HSD17B13: variants seen among roughly 807,000 people sequenced by gnomAD.
HSD17B13 encodes the protein hydroxysteroid 17-beta dehydrogenase 13.
A neutral mutation model predicts 31.1 loss-of-function variants in HSD17B13; 26 were observed. The ratio of observed to expected loss-of-function variants is 0.84; its 90% CI spans 0.61 to 1.16. The LOEUF (loss-of-function observed/expected upper bound fraction) is 1.16. Ranked by LOEUF, HSD17B13 falls within the 50% of genes most tolerant of loss-of-function variation. HSD17B13 has a pLI of 0.00. For synonymous variants in HSD17B13, 141 were observed against 133.7 expected, an observed-to-expected ratio of 1.05 and a Z score of -0.38; for missense variants, 374 against 366.5, an observed-to-expected ratio of 1.02 and a Z score of -0.17.
At chr4:87,307,207 A>G (rs534556494) in intron 6 of HSD17B13, among the ~76,000 whole-genome samples, 7 of 152,290 alleles carry the variant, frequency 4.6e-5, no homozygotes, top group African/African-American at 1.4e-4. Context: ...GTGTCTCTCT[A>G]TAAAAGGAAT....
chr4:87,314,641 TCACACACACACA>T (rs1553956168), intron 4 of HSD17B13, among the ~76,000 whole-genome samples: 3 of 142,140 alleles, frequency 2.1e-5, no homozygotes, highest in Admixed American at 7.1e-5. Flanking sequence ...TCTCTCTCTC[TCACACACACACA>T]CACACACACA....
intron 5 of HSD17B13, among the ~76,000 whole-genome samples, chr4:87,311,648 G>A (rs1734532303): frequency 6.6e-6 from 1 of 152,272 alleles, no homozygotes. Flanking sequence ...CAGAAAAATG[G>A]ATTTAAAATG....
chr4:87,309,384 C>CAAAA (rs369280214), intron 6 of HSD17B13, among the ~76,000 whole-genome samples: 2 of 50,100 alleles, frequency 4.0e-5, no homozygotes, highest in Non-Finnish European at 7.9e-5. Context: ...AACTCTGTCT[C>CAAAA]AAAAAAAAAA....
intron 6 of HSD17B13, among the ~76,000 whole-genome samples, chr4:87,309,739 T>C (rs1258254908): frequency 6.6e-6 from 1 of 152,158 alleles, no homozygotes; most frequent in Admixed American, 6.5e-5. Flanking sequence ...GACAGTAGAT[T>C]TGGTAGAGAA....
In HSD17B13 at chr4:87,322,795, T is replaced by C. The variant is rs767778758; in HGVS notation, c.47A>G (p.Tyr16Cys). The C allele has an allele frequency of 1.9e-6, 3 of 1,613,730 alleles. No individual in the cohort carries two copies. The highest frequency in any genetic ancestry group is 1.7e-5 in the Admixed American group (1 of 59,980). ...CTTCACCAACGACTCCAAGTAGGAG[T>C]AGATGATGGTGATCAGAAGCAGAAG... is the stretch of plus-strand genomic sequence containing the variant. ...EILLLLITII[Y>C]SYLESLVKFF... Residue 16 changes from tyrosine to cysteine, a missense_variant, in exon 1 of 7, where the codon TAC becomes TGC. Physicochemically the swap from Tyr to Cys is radical, Grantham distance 194 (BLOSUM62 -2). Transcript: ENST00000328546.
At chr4:87,312,193 T>C (rs1392257270) in intron 5 of HSD17B13, among the ~76,000 whole-genome samples, 1 of 152,124 alleles carries the variant, frequency 6.6e-6, no homozygotes, top group East Asian at 1.9e-4. Flanking sequence ...CCCAATTCCT[T>C]GTCTAAGAAA....
rs751556942 is a variant in HSD17B13, at chr4:87,305,321, G to GA, written c.813-14dup. 467 of 1,536,690 alleles carry GA rather than the reference G, an allele frequency of 3.0e-4. No homozygotes were observed. Among genetic ancestry groups the GA allele is most frequent in the South Asian group, 6.8e-4 (55 of 80,630 alleles). On this transcript the variant is annotated splice_polypyrimidine_tract_variant and intron_variant, in intron 6 of 6. Transcript: ENST00000328546. ...TTCAGGAAGAAACCTGTACAAAAAA[G>GA]AAAAAAAAATTGAAAAATTTTCCAT...
chr4:87,318,120 G>A (rs1239270301), intron 2 of HSD17B13, among the ~76,000 whole-genome samples: 2 of 152,176 alleles, frequency 1.3e-5, no homozygotes. Context: ...GAATGAAATT[G>A]ATTAATAATA....
chr4:87,310,346 A>G lies in HSD17B13; in HGVS notation c.709T>C (p.Leu237=). ...CTTCTTACGACTTCATCTGTCTCCA[A>G]TACAGGCCATAATCTGTGATTAAAA... The part of the protein sequence containing the change: ...KNPSTRLWPV[L]ETDEVVRSLI... The change falls in exon 6 of 7, where the codon TTG becomes CTG. Residue 237 remains leucine, a synonymous_variant. Coordinates refer to ENST00000328546, the MANE Select transcript of HSD17B13 (RefSeq NM_178135.5). 1 of 1,521,128 alleles carries G rather than the reference A, an allele frequency of 6.6e-7. No individual in the cohort carries two copies. Among genetic ancestry groups the G allele is most frequent in the Non-Finnish European group, 8.8e-7 (1 of 1,142,840 alleles). The allele number at this position is 1,521,128 out of a possible 1,614,324, so 94.2% of individuals were successfully genotyped here.
In HSD17B13 at chr4:87,322,742, C is replaced by T. The variant is rs1413816839; in HGVS notation, c.100G>A (p.Val34Met). 1 of 1,614,104 alleles carries T rather than the reference C, an allele frequency of 6.2e-7. No homozygotes were observed. The highest frequency in any genetic ancestry group is 8.5e-7 in the Non-Finnish European group (1 of 1,179,950). The change falls in exon 1 of 7, where the codon GTG (valine) becomes ATG (methionine). Residue 34 changes from valine (V) to methionine (M), a missense_variant. Transcript: ENST00000328546. ...KFFIPQRRKS[V>M]AGEIVLITGA... ...GTAATGAGAACAATCTCCCCAGCCA[C>T]AGATTTTCTCCTCTGAGGAATGAAA...
chr4:87,317,048 A>G (rs544563177), intron 3 of HSD17B13, 44 bp downstream of exon 3: 120 of 1,599,206 alleles, frequency 7.5e-5, no homozygotes, highest in Non-Finnish European at 9.9e-5. Flanking sequence ...CATGTATCTT[A>G]AGAGAAGGTG....
At chr4:87,318,296 A>T (rs1734701244) in intron 2 of HSD17B13, 33 bp downstream of exon 2, 1 of 1,505,358 alleles carries the variant, frequency 6.6e-7, no homozygotes, top group Admixed American at 1.7e-5. Context: ...GAAACAAAAT[A>T]ATCTGAAGAA....
chr4:87,314,622 T>TTCTCTCTCTCTCTCTCTCTC (rs551629239), intron 4 of HSD17B13, among the ~76,000 whole-genome samples: 1 of 142,988 alleles, frequency 7.0e-6, no homozygotes, highest in African/African-American at 2.8e-5. Flanking sequence ...TAGAGTCGTT[T>TTCTCTCTCTCTCTCTCTCTC]TCTCTCTCTC....
rs182546301 is a variant in HSD17B13 at position 87,313,040 on chromosome 4, A to C, written c.695+783T>G. Among the ~76,000 whole-genome samples, 366 of 151,732 alleles carry C rather than the reference A, an allele frequency of 2.4e-3. 1 individual carries two copies. The highest frequency in any genetic ancestry group is 8.1e-3 in the African/African-American group (335 of 41,264). ...GCGCCACTGTACTCCAGCCTGGGTG[A>C]CAGAGTGAGACTCTGTCTCAAAAAA... On this transcript the variant is annotated intron_variant, in intron 5 of 6. Coordinates refer to ENST00000328546, the MANE Select transcript of HSD17B13 (RefSeq NM_178135.5).
rs578242142 is a variant in HSD17B13, at chr4:87,311,377, T to A, written c.696-1018A>T. Among the ~76,000 whole-genome samples the A allele has an allele frequency of 4.6e-5, 7 of 152,324 alleles. No individual in the cohort carries two copies. In the South Asian group the frequency reaches 1.0e-3, roughly 23 times the overall value. On this transcript the variant is annotated intron_variant, in intron 5 of 6. Coordinates refer to ENST00000328546, the MANE Select transcript of HSD17B13 (RefSeq NM_178135.5). ...TGCACTGTGGCCTTGCCCCGAATTA[T>A]TTCTTGCGAGAAATCTAAGAACCCT...
At chr4:87,313,111 A>C (rs1417481801) in intron 5 of HSD17B13, among the ~76,000 whole-genome samples, 1 of 151,928 alleles carries the variant, frequency 6.6e-6, no homozygotes, top group African/African-American at 2.4e-5. Context: ...AGTCAACAGT[A>C]CCTATGGTCT....
At chr4:87,322,550 A>G (rs967384842) in intron 1 of HSD17B13, 82 bp downstream of exon 1, 29 of 1,088,370 alleles carry the variant, frequency 2.7e-5, no homozygotes, top group Middle Eastern at 4.5e-4. Context: ...AAATACAAAG[A>G]TAAGTAGATG....
chr4:87,312,868 T>G (rs953849111), intron 5 of HSD17B13, among the ~76,000 whole-genome samples: 1 of 151,840 alleles, frequency 6.6e-6, no homozygotes, highest in African/African-American at 2.4e-5. Context: ...GAGACCAGCC[T>G]GGCCAACATG....
At chr4:87,309,508 A>G (rs1734479385) in intron 6 of HSD17B13, among the ~76,000 whole-genome samples, 1 of 152,172 alleles carries the variant, frequency 6.6e-6, no homozygotes, top group Admixed American at 6.5e-5. Flanking sequence ...AAGATTTTGA[A>G]GAAGATTTTA....
Sources: gnomAD v4.1 joint callset for allele counts (sites outside exome capture counted in the v4.1 genomes callset) on GRCh38, gnomAD v4.1.1 for gene constraint, MANE v1.5 for transcripts, NCBI Gene and HGNC (gene_info 2026-07-23, HGNC 2026-07-21) for gene names.